DSC3: variants seen among roughly 807,000 people sequenced by gnomAD.
DSC3 encodes desmocollin-3.
A neutral mutation model predicts 89.5 loss-of-function variants in DSC3; 97 were observed. The observed-to-expected ratio is 1.08, with a 90% confidence interval of 0.92 to 1.28. DSC3 has a LOEUF of 1.28. Among genes scored for constraint, DSC3 ranks in the 50% most tolerant of loss-of-function variants. The pLI is 0.00. For missense variants in DSC3, 1,199 were observed against 1,085.3 expected, an observed-to-expected ratio of 1.10 and a Z score of -1.47; for synonymous variants, 436 against 384.1, an observed-to-expected ratio of 1.14 and a Z score of -1.58.
intron 1 of DSC3, among the ~76,000 whole-genome samples, chr18:31,032,610 G>A (rs775668378): frequency 1.2e-4 from 17 of 147,224 alleles, no homozygotes; most frequent in Non-Finnish European, 1.8e-4. Flanking sequence ...GTGCGTGTGC[G>A]TGTGTGACTG....
chr18:31,008,750 C>T (rs559174538), intron 9 of DSC3, among the ~76,000 whole-genome samples: 6 of 152,192 alleles, frequency 3.9e-5, no homozygotes, highest in South Asian at 4.1e-4. Context: ...GTTGGACAAA[C>T]GAAATTCCGG....
chr18:31,021,351 C>A (rs933543505), intron 7 of DSC3, among the ~76,000 whole-genome samples: 1 of 152,108 alleles, frequency 6.6e-6, no homozygotes, highest in Non-Finnish European at 1.5e-5. Context: ...CAGACTTTCC[C>A]CTTAAAACTT....
intron 14 of DSC3, among the ~76,000 whole-genome samples, chr18:30,997,892 CA>C (rs1411611915): frequency 2.6e-5 from 4 of 152,094 alleles, no homozygotes; most frequent in African/African-American, 9.7e-5. Flanking sequence ...AGGCAAAAGG[CA>C]AACAATGTCC....
chr18:31,027,623 G>A (rs544650407), intron 4 of DSC3, among the ~76,000 whole-genome samples: 1 of 152,180 alleles, frequency 6.6e-6, no homozygotes, highest in South Asian at 2.1e-4. Context: ...CTGTTCTGAA[G>A]TTTCATGAGG....
intron 4 of DSC3, among the ~76,000 whole-genome samples, chr18:31,026,608 C>T (rs1217689824): frequency 6.6e-6 from 1 of 152,010 alleles, no homozygotes; most frequent in African/African-American, 2.4e-5. Context: ...TTTAAAGGTA[C>T]AGCCATCAGA....
At chr18:31,018,915 C>T in intron 7 of DSC3, 115 bp from the exon 8 acceptor site, 1 of 1,010,096 alleles carries the variant, frequency 9.9e-7, no homozygotes. Context: ...TGTTTCCGTG[C>T]TTTTACCTGA....
In DSC3 at chr18:31,029,537, A is replaced by G; in HGVS notation, c.446T>C (p.Leu149Ser). The change falls in exon 4 of 16, where the codon TTG becomes TCG. Residue 149 changes from leucine (L) to serine (S), a missense_variant. Physicochemically the swap from Leu to Ser is moderately radical, Grantham distance 145. Coordinates refer to ENST00000360428, the MANE Select transcript of DSC3 (RefSeq NM_001941.5). ...PIPCSMQENS[L>S]GPFPLFLQQV... ...TTGAAGAAACAATGGGAAAGGGCCC[A>G]AGGAATTCTCTTGCATAGAGCAAGG... The G allele has an allele frequency of 6.2e-7, 1 of 1,613,910 alleles. No individual in the cohort carries two copies.
Position 31,008,435 on chromosome 18 carries a change from C to A in DSC3, c.1354G>T (p.Ala452Ser), listed in dbSNP as rs752282699. 4.3e-6 allele frequency: 7 copies of A among 1,614,062 alleles called. No homozygotes were observed. Among genetic ancestry groups the A allele is most frequent in the Non-Finnish European group, 5.9e-6 (7 of 1,180,032 alleles). ...PFARDIPRVT[A>S]LNRALVTVHV... is the part of the protein sequence containing the mutation. ...ACTGTAACCAAGGCTCTGTTCAAGG[C>A]TGTCACTCTGGGAATATCTCTAGCA... The change falls in exon 10 of 16, where the codon GCC becomes TCC. Residue 452 changes from alanine (A) to serine (S), a missense_variant. Ala to Ser is a moderately conservative substitution (Grantham distance 99, BLOSUM62 1). Transcript: ENST00000360428.
intron 14 of DSC3, among the ~76,000 whole-genome samples, chr18:30,998,438 A>G (rs562182404): frequency 6.6e-6 from 1 of 152,338 alleles, no homozygotes; most frequent in South Asian, 2.1e-4. Flanking sequence ...CATGGTAAAC[A>G]TTAGAAACAT....
chr18:30,997,163 C>T, intron 14 of DSC3, 115 bp from the exon 15 acceptor site: 1 of 1,275,414 alleles, frequency 7.8e-7, no homozygotes, highest in Non-Finnish European at 1.1e-6. Context: ...TTCATTCATT[C>T]ATTCAACAGA....
Position 31,025,776 on chromosome 18 carries a change from T to C in DSC3, c.614A>G (p.Glu205Gly). ...LFCTRPVDRE[E>G]YDVFDLIAYA... ...AAGTCCTACATCAAAAACATCATAT[T>C]CTTCACGATCCACAGGCCGAGTGCA... The change falls in exon 5 of 16, where the codon GAA (glutamate) becomes GGA (glycine). Residue 205 changes from glutamate (E) to glycine (G), a missense_variant. Transcript: ENST00000360428. 1 of 1,613,094 alleles carries C rather than the reference T, an allele frequency of 6.2e-7. No individual in the cohort carries two copies. The highest frequency in any genetic ancestry group is 8.5e-7 in the Non-Finnish European group (1 of 1,179,286).
At chr18:31,012,665 A>G (rs1985109035) in intron 9 of DSC3, among the ~76,000 whole-genome samples, 1 of 152,220 alleles carries the variant, frequency 6.6e-6, no homozygotes, top group South Asian at 2.1e-4. Context: ...CTTTTAATTC[A>G]ATGTTTTTTG....
intron 6 of DSC3, among the ~76,000 whole-genome samples, chr18:31,022,975 T>A (rs1985474750): frequency 6.6e-6 from 1 of 152,164 alleles, no homozygotes; most frequent in South Asian, 2.1e-4. Flanking sequence ...CTTTCTATAA[T>A]CTTTTTGCTA....
intron 9 of DSC3, among the ~76,000 whole-genome samples, chr18:31,009,968 A>T (rs555665270): frequency 7.9e-5 from 12 of 152,364 alleles, no homozygotes; most frequent in African/African-American, 2.9e-4. Context: ...ATAACAAATC[A>T]AGTAAAACCC....
intron 3 of DSC3, among the ~76,000 whole-genome samples, chr18:31,030,509 A>G (rs1985747569): frequency 6.6e-6 from 1 of 152,206 alleles, no homozygotes; most frequent in African/African-American, 2.4e-5. Flanking sequence ...GAGTTCTATA[A>G]TAGAGGGATA....
chr18:31,009,242 A>G (rs894381206), intron 9 of DSC3, among the ~76,000 whole-genome samples: 5 of 135,076 alleles, frequency 3.7e-5, no homozygotes, highest in Admixed American at 2.9e-4. Context: ...TCTTTAGTAA[A>G]GATGGGGTTC....
intron 5 of DSC3, among the ~76,000 whole-genome samples, 199 bp downstream of exon 5, chr18:31,025,561 T>C (rs575063268): frequency 6.6e-6 from 1 of 152,156 alleles, no homozygotes; most frequent in Non-Finnish European, 1.5e-5. Context: ...ACCTCTTTGC[T>C]TCATTTCAGG....
rs370006572 is a variant in DSC3, at chr18:31,031,215, GAA to G, written c.155-45_155-44del. On this transcript the variant is annotated intron_variant, in intron 2 of 15. Transcript: ENST00000360428. ...CAAGTTGTAAGGTAAAAACACATGA[GAA>G]AAAAAAACGTGTTAAAATAATTTAT... 5 of 1,307,226 alleles carry G rather than the reference GAA, an allele frequency of 3.8e-6. No homozygotes were observed. In the East Asian group the frequency reaches 1.3e-4, roughly 33 times the overall value. The allele number at this position is 1,307,226 out of a possible 1,614,324, so 81.0% of individuals were successfully genotyped here. A position where few individuals can be genotyped will look rare whatever the true frequency, so the allele number is the denominator to read the frequency against.
In DSC3 at chr18:30,991,913, C is replaced by G. The variant is rs1984259317; in HGVS notation, c.*2262G>C. 1 of 152,170 alleles carries G rather than the reference C, an allele frequency of 6.6e-6. No individual in the cohort carries two copies. Among genetic ancestry groups the G allele is most frequent in the Non-Finnish European group, 1.5e-5 (1 of 68,096 alleles). 9.4% of individuals were successfully genotyped at this position (152,170 alleles called of 1,614,324 possible). ...GGGAGCGGTGGGTCATGCCTGTAAT[C>G]CCAGCACTTTGGGAGGCCGAGGCAG... On this transcript the variant is annotated 3_prime_UTR_variant, in exon 16 of 16. Coordinates refer to ENST00000360428, the MANE Select transcript of DSC3 (RefSeq NM_001941.5).
Sources: gnomAD v4.1 joint callset for allele counts (sites outside exome capture counted in the v4.1 genomes callset) on GRCh38, gnomAD v4.1.1 for gene constraint, MANE v1.5 for transcripts, NCBI Gene and HGNC (gene_info 2026-07-23, HGNC 2026-07-21) for gene names.